Variants in NELL1 observed in about 807,000 individuals in gnomAD.
NELL1 encodes the protein protein kinase C-binding protein NELL1.
NELL1 carries 76 observed loss-of-function variants against 107.4 expected under a neutral mutation model. That is an observed-to-expected ratio of 0.71 (90% CI 0.59 to 0.86). The LOEUF (loss-of-function observed/expected upper bound fraction) is 0.86. Ranked by LOEUF, NELL1 falls within the 40% of genes least tolerant of loss-of-function variation. NELL1 has a pLI of 0.00. For missense variants in NELL1, 1,024 were observed against 1,005.5 expected, an observed-to-expected ratio of 1.02 and a Z score of -0.25; for synonymous variants, 353 against 341.2, an observed-to-expected ratio of 1.03 and a Z score of -0.38.
At chr11:20,794,419 C>T (rs1857131903) in intron 3 of NELL1, among the ~76,000 whole-genome samples, 3 of 152,200 alleles carry the variant, frequency 2.0e-5, no homozygotes, top group Admixed American at 2.0e-4. Context: ...TTGTCTTCTT[C>T]ATCTCCAGTT....
chr11:20,846,599 A>C (rs2134056094), intron 3 of NELL1, among the ~76,000 whole-genome samples: 1 of 152,338 alleles, frequency 6.6e-6, no homozygotes, highest in Non-Finnish European at 1.5e-5. Flanking sequence ...ACAAACTGGC[A>C]GAAAGTGCAT....
rs1277188860 is a variant in NELL1, at chr11:20,928,383, G to A, written c.901G>A (p.Ala301Thr). 1.9e-6 allele frequency: 3 copies of A among 1,613,588 alleles called. No individual in the cohort carries two copies. Among genetic ancestry groups the A allele is most frequent in the Non-Finnish European group, 2.5e-6 (3 of 1,179,676 alleles). Residue 301 changes from alanine to threonine, a missense_variant, in exon 9 of 20, where the codon GCC (alanine) becomes ACC (threonine). Coordinates refer to ENST00000357134, the MANE Select transcript of NELL1 (RefSeq NM_006157.5). ...HCRNCTCKSGAVECRRMSCPP... is the reference protein window; with the variant it reads ...HCRNCTCKSGTVECRRMSCPP... ...CATGTCCTTCCTTCCTCAGAGTGGT[G>A]CCGTGGAATGCCGAAGGATGTCCTG...
chr11:21,088,075 G>A (rs937001864), intron 12 of NELL1, among the ~76,000 whole-genome samples: 2 of 150,646 alleles, frequency 1.3e-5, no homozygotes, highest in Non-Finnish European at 3.0e-5. Context: ...GTGTGTGTGT[G>A]TGTGTGTGTG....
chr11:21,338,171 T>C (rs951008870), intron 14 of NELL1, among the ~76,000 whole-genome samples: 1 of 152,126 alleles, frequency 6.6e-6, no homozygotes, highest in Non-Finnish European at 1.5e-5. Context: ...AAAAATAAAA[T>C]GCCGGTGTCA....
At chr11:21,217,302 G>A (rs1055298432) in intron 13 of NELL1, among the ~76,000 whole-genome samples, 1 of 152,134 alleles carries the variant, frequency 6.6e-6, no homozygotes, top group African/African-American at 2.4e-5. Context: ...GTGTGAGAAC[G>A]AGATAATACA....
At chr11:21,157,170 T>C (rs957844156) in intron 13 of NELL1, among the ~76,000 whole-genome samples, 2 of 151,822 alleles carry the variant, frequency 1.3e-5, no homozygotes, top group African/African-American at 4.8e-5. Context: ...TATGTGTGTG[T>C]GTGTGTGTGT....
rs1401096196 is a variant in NELL1 at position 20,894,881 on chromosome 11, G to A, written c.603+9341G>A. ...GTAAATGTTGTTATATGTATATAAC[G>A]TATAGTGATCAAGTCAACGTATTTA... On this transcript the variant is annotated intron_variant, in intron 5 of 19. Transcript: ENST00000357134. 9.2e-5 allele frequency among the ~76,000 whole-genome samples: 14 copies of A among 152,220 alleles called. No individual in the cohort carries two copies. The East Asian group carries it at 1.4e-3, about 15-fold the overall frequency.
intron 15 of NELL1, among the ~76,000 whole-genome samples, chr11:21,454,451 C>T (rs910773130): frequency 6.6e-6 from 1 of 152,154 alleles, no homozygotes; most frequent in East Asian, 1.9e-4. Context: ...GTAAATTTAT[C>T]TTTCCCCCAT....
At chr11:21,057,391 T>C (rs1039172054) in intron 12 of NELL1, among the ~76,000 whole-genome samples, 12 of 152,054 alleles carry the variant, frequency 7.9e-5, no homozygotes, top group African/African-American at 2.9e-4. Flanking sequence ...CCAGAGAAAT[T>C]TGTCAGTTTC....
chr11:20,720,038 T>C (rs567814439), intron 2 of NELL1, among the ~76,000 whole-genome samples: 1 of 152,320 alleles, frequency 6.6e-6, no homozygotes, highest in Admixed American at 6.5e-5. Flanking sequence ...TTTTTTTGTT[T>C]TGTTTTCAAG....
At chr11:21,441,471 T>G (rs1341427457) in intron 15 of NELL1, among the ~76,000 whole-genome samples, 1 of 151,906 alleles carries the variant, frequency 6.6e-6, no homozygotes, top group African/African-American at 2.4e-5. Flanking sequence ...GGATCATGGC[T>G]TGTACTACTT....
Position 21,261,021 on chromosome 11 carries a change from T to A in NELL1, c.1549+31567T>A, listed in dbSNP as rs773549880. Reference sequence around the variant, plus strand: ...ATATTAAAGAACCCTCTATACCTTATTGAATAGAAATTCAGTAAGTGATCA... The same window carrying A: ...ATATTAAAGAACCCTCTATACCTTAATGAATAGAAATTCAGTAAGTGATCA... On this transcript the variant is annotated intron_variant, in intron 14 of 19. Transcript: ENST00000357134. 2.9e-4 allele frequency among the ~76,000 whole-genome samples: 44 copies of A among 151,802 alleles called. 1 individual carries two copies. Among genetic ancestry groups the A allele is most frequent in the Non-Finnish European group, 2.2e-4 (15 of 67,834 alleles).
chr11:21,197,492 C>CTATTAGGAT (rs1201791412), intron 13 of NELL1, among the ~76,000 whole-genome samples: 2 of 151,584 alleles, frequency 1.3e-5, no homozygotes, highest in African/African-American at 4.9e-5. Flanking sequence ...GGCTGTTAGA[C>CTATTAGGAT]AGCCTCAGCC....
intron 13 of NELL1, among the ~76,000 whole-genome samples, chr11:21,183,337 T>G (rs1343409668): frequency 1.3e-5 from 2 of 151,926 alleles, no homozygotes; most frequent in Non-Finnish European, 2.9e-5. Context: ...GTTGCTGAAG[T>G]GATATTAGAA....
chr11:21,491,376 A>G (rs1854805421), intron 15 of NELL1, among the ~76,000 whole-genome samples: 1 of 152,086 alleles, frequency 6.6e-6, no homozygotes, highest in African/African-American at 2.4e-5. Flanking sequence ...ATTTTTGTAT[A>G]AGGTATAAGG....
At chr11:20,705,033 A>T (rs1854905470) in intron 2 of NELL1, among the ~76,000 whole-genome samples, 1 of 152,220 alleles carries the variant, frequency 6.6e-6, no homozygotes, top group Non-Finnish European at 1.5e-5. Context: ...AAATGGAAGA[A>T]CATTCCATGC....
intron 12 of NELL1, among the ~76,000 whole-genome samples, chr11:21,052,050 G>A (rs976946227): frequency 1.3e-5 from 2 of 152,048 alleles, no homozygotes; most frequent in African/African-American, 4.8e-5. Context: ...TCCTCACTGA[G>A]AAGGTAGCCA....
intron 16 of NELL1, among the ~76,000 whole-genome samples, chr11:21,557,389 T>G (rs928515880): frequency 2.0e-5 from 3 of 152,046 alleles, no homozygotes; most frequent in African/African-American, 7.2e-5. Context: ...ACCAATATAT[T>G]TGCAACTTTG....
chr11:20,762,523 A>G (rs560279282), intron 2 of NELL1, among the ~76,000 whole-genome samples: 3 of 152,306 alleles, frequency 2.0e-5, no homozygotes, highest in Non-Finnish European at 4.4e-5. Context: ...TTTTTGAAGA[A>G]TTTTTAAATC....
Sources: gnomAD v4.1 joint callset for allele counts (sites outside exome capture counted in the v4.1 genomes callset) on GRCh38, gnomAD v4.1.1 for gene constraint, MANE v1.5 for transcripts, NCBI Gene and HGNC (gene_info 2026-07-23, HGNC 2026-07-21) for gene names.